CHSY1: variants seen among roughly 807,000 people sequenced by gnomAD.
CHSY1 encodes chondroitin sulfate synthase 1, also known as N-acetylgalactosaminyl-proteoglycan 3-beta-glucuronosyltransferase 1.
In CHSY1, 13 loss-of-function variants were observed where a neutral mutation model predicts 59.8. The ratio of observed to expected loss-of-function variants is 0.22; its 90% CI spans 0.14 to 0.35. The LOEUF (loss-of-function observed/expected upper bound fraction) is 0.35. Among genes scored for constraint, CHSY1 ranks in the 10% least tolerant of loss-of-function variants. CHSY1 has a pLI of 1.00. For missense variants in CHSY1, 947 were observed against 1,030.6 expected, an observed-to-expected ratio of 0.92 and a Z score of 1.11; for synonymous variants, 459 against 401.2, an observed-to-expected ratio of 1.14 and a Z score of -1.72.
intron 2 of CHSY1, among the ~76,000 whole-genome samples, chr15:101,191,767 T>C (rs1430114591): frequency 6.6e-6 from 1 of 152,126 alleles, no homozygotes; most frequent in Non-Finnish European, 1.5e-5. Context: ...AAGCAACCTA[T>C]TAGGGAAAAA....
chr15:101,199,145 G>A (rs1596438217), intron 2 of CHSY1, among the ~76,000 whole-genome samples: 1 of 151,854 alleles, frequency 6.6e-6, no homozygotes, highest in Admixed American at 6.5e-5. Context: ...AAGACACTCT[G>A]TTACATTTGT....
intron 2 of CHSY1, among the ~76,000 whole-genome samples, chr15:101,234,860 CT>C (rs2038925513): frequency 6.6e-6 from 1 of 152,088 alleles, no homozygotes. Context: ...GAGCAAGACT[CT>C]CTCTGGGGGG....
At chr15:101,244,984 T>G (rs1017337826) in intron 1 of CHSY1, among the ~76,000 whole-genome samples, 2 of 152,318 alleles carry the variant, frequency 1.3e-5, no homozygotes, top group South Asian at 4.2e-4. Context: ...CATTTTAGAC[T>G]TCTTGATAAA....
rs528951272 is a variant in CHSY1 at position 101,213,571 on chromosome 15, A to C, written c.816+21511T>G. The stretch of plus-strand genomic sequence containing the variant: ...AAATAAGGAAATGTGCTACCTGACA[A>C]AATACTGCTGAAATCAGATAAATCC... On this transcript the variant is annotated intron_variant, in intron 2 of 2. Transcript: ENST00000254190. Among the ~76,000 whole-genome samples the C allele has an allele frequency of 1.1e-4, 17 of 152,340 alleles. No homozygotes were observed. In the South Asian group the frequency reaches 3.5e-3, roughly 32 times the overall value.
intron 2 of CHSY1, chr15:101,186,735 G>C (rs8025693): frequency 6.6e-6 from 1 of 152,198 alleles, no homozygotes; most frequent in African/African-American, 2.4e-5. Context: ...CTGGGAGGTC[G>C]AGGCTGCAGT....
chr15:101,177,329 AAAAATT>A lies in CHSY1; in HGVS notation c.*53_*58del. 1 of 1,554,952 alleles carries A rather than the reference AAAAATT, an allele frequency of 6.4e-7. No homozygotes were observed. The highest frequency in any genetic ancestry group is 8.7e-7 in the Non-Finnish European group (1 of 1,149,866). The stretch of plus-strand genomic sequence containing the variant: ...ACGGACTTCAAAAACTGATCATACA[AAAAATT>A]TTTGAAAAATAAATTAGATAATTAA... On this transcript the variant is annotated 3_prime_UTR_variant, in exon 3 of 3. Coordinates refer to ENST00000254190, the MANE Select transcript of CHSY1 (RefSeq NM_014918.5).
chr15:101,208,396 A>C (rs545300780), intron 2 of CHSY1, among the ~76,000 whole-genome samples: 119 of 150,604 alleles, frequency 7.9e-4, no homozygotes, highest in African/African-American at 2.7e-3. Flanking sequence ...GAAATTGCTC[A>C]AACAGTTATA....
intron 2 of CHSY1, among the ~76,000 whole-genome samples, chr15:101,199,516 C>T (rs62019723): frequency 0.092 from 14,030 of 152,086 alleles, 762 homozygotes; most frequent in East Asian, 0.2. Context: ...AACAAACAAA[C>T]GAACAAACAA....
Position 101,247,816 on chromosome 15 carries a change from G to A in CHSY1, c.320+3321C>T, listed in dbSNP as rs185163547. 2.4e-3 allele frequency among the ~76,000 whole-genome samples: 372 copies of A among 152,278 alleles called. 6 individuals are homozygous for A. Among genetic ancestry groups the A allele is most frequent in the Admixed American group, 0.021 (315 of 15,296 alleles). ...AGTAAAAATGTGTAATGATGGAGAT[G>A]TTCTATCATCAAAGTGCTGTGCCTT... is the stretch of plus-strand genomic sequence containing the variant. On this transcript the variant is annotated intron_variant, in intron 1 of 2. Transcript: ENST00000254190.
At chr15:101,232,454 A>G (rs2038901311) in intron 2 of CHSY1, among the ~76,000 whole-genome samples, 1 of 152,248 alleles carries the variant, frequency 6.6e-6, no homozygotes, top group Non-Finnish European at 1.5e-5. Flanking sequence ...AAGGTCTAAT[A>G]AGATGGCAAG....
chr15:101,231,179 A>G (rs2038889250), intron 2 of CHSY1, among the ~76,000 whole-genome samples: 2 of 152,180 alleles, frequency 1.3e-5, no homozygotes, highest in African/African-American at 4.8e-5. Context: ...AAGATGTGAA[A>G]AAGATTGGGG....
At chr15:101,250,750 T>A (rs1567111893) in intron 1 of CHSY1, among the ~76,000 whole-genome samples, 1 of 152,210 alleles carries the variant, frequency 6.6e-6, no homozygotes, top group Non-Finnish European at 1.5e-5. Context: ...TTTTAGGGAA[T>A]CCAGTATCAG....
chr15:101,233,684 C>T (rs1363522773), intron 2 of CHSY1, among the ~76,000 whole-genome samples: 3 of 152,032 alleles, frequency 2.0e-5, no homozygotes, highest in African/African-American at 4.8e-5. Flanking sequence ...AGAGTTCACT[C>T]AAGATCACAT....
intron 2 of CHSY1, among the ~76,000 whole-genome samples, chr15:101,226,295 T>C (rs1347095975): frequency 6.6e-6 from 1 of 152,204 alleles, no homozygotes; most frequent in African/African-American, 2.4e-5. Flanking sequence ...AAGCAAGCAC[T>C]CACCTGTCCC....
rs1234191789 is a variant in CHSY1 at position 101,178,166 on chromosome 15, A to G, written c.1631T>C (p.Phe544Ser). 3 of 1,614,206 alleles carry G rather than the reference A, an allele frequency of 1.9e-6. No individual in the cohort carries two copies. The highest frequency in any genetic ancestry group is 1.7e-6 in the Non-Finnish European group (2 of 1,180,030). ...TCCCATAAATCTCACAAACATGTCG[A>G]AACGCCCAGACAAAGGAATCAGTAT... ...INILIPLSGR[F>S]DMFVRFMGNF... The change falls in exon 3 of 3, where the codon TTC becomes TCC. Residue 544 changes from phenylalanine to serine, a missense_variant. This residue lies in a region of CHSY1 where 602 missense variants were observed against 676.9 expected (regional missense o/e 0.89). Transcript: ENST00000254190.
chr15:101,245,590 G>A lies in CHSY1; in HGVS notation c.320+5547C>T, dbSNP rs575173896. ...AAAGAGCAGCTTAGTTAACAGACAG[G>A]GGAACGTGAAGCTGCCGGTGCAATG... On this transcript the variant is annotated intron_variant, in intron 1 of 2. Coordinates refer to ENST00000254190, the MANE Select transcript of CHSY1 (RefSeq NM_014918.5). Among the ~76,000 whole-genome samples, 9 of 152,292 alleles carry A rather than the reference G, an allele frequency of 5.9e-5. No individual in the cohort carries two copies. In the South Asian group the frequency reaches 1.9e-3, roughly 32 times the overall value.
chr15:101,199,240 A>G (rs1221387466), intron 2 of CHSY1, among the ~76,000 whole-genome samples: 2 of 152,178 alleles, frequency 1.3e-5, no homozygotes, highest in South Asian at 2.1e-4. Context: ...GCAGTGGCTC[A>G]TGCCTGTAAT....
At chr15:101,197,357 T>C (rs1397649972) in intron 2 of CHSY1, among the ~76,000 whole-genome samples, 1 of 152,194 alleles carries the variant, frequency 6.6e-6, no homozygotes, top group Non-Finnish European at 1.5e-5. Context: ...CCTGCCCAAA[T>C]GTAAGTTTAA....
In CHSY1 at chr15:101,199,550, C is replaced by T. The variant is rs868476896; in HGVS notation, c.817-20570G>A. Among the ~76,000 whole-genome samples the T allele has an allele frequency of 3.9e-5, 6 of 152,282 alleles. No homozygotes were observed. In the South Asian group the frequency reaches 8.3e-4, roughly 21 times the overall value. On this transcript the variant is annotated intron_variant, in intron 2 of 2. Coordinates refer to ENST00000254190, the MANE Select transcript of CHSY1 (RefSeq NM_014918.5). Reference sequence around the variant, plus strand: ...AAAAAACACATCATTTCAGATGAAACAGTTCTGGAGACTGGTTGCGCAACT... The same window carrying T: ...AAAAAACACATCATTTCAGATGAAATAGTTCTGGAGACTGGTTGCGCAACT...
Sources: allele counts gnomAD v4.1 joint callset (sites outside exome capture counted in the v4.1 genomes callset), GRCh38; gene constraint gnomAD v4.1.1; regional missense constraint gnomAD v4.1.1; transcripts MANE v1.5; gene names NCBI Gene and HGNC (gene_info 2026-07-23, HGNC 2026-07-21).